ADAMTS17: variants seen among roughly 807,000 people sequenced by gnomAD.
ADAMTS17 encodes A disintegrin and metalloproteinase with thrombospondin motifs 17.
ADAMTS17 carries 113 observed loss-of-function variants against 141.5 expected under a neutral mutation model. That is an observed-to-expected ratio of 0.80 (90% confidence interval 0.69 to 0.93). The LOEUF is 0.93. Ranked by LOEUF, ADAMTS17 falls within the 40% of genes least tolerant of loss-of-function variation. The pLI is 0.00. For synonymous variants in ADAMTS17, 768 were observed against 630.6 expected, an observed-to-expected ratio of 1.22 and a Z score of -3.27; for missense variants, 1,659 against 1,517.9, an observed-to-expected ratio of 1.09 and a Z score of -1.54.
chr15:100,284,215 C>T (rs1303604813), intron 3 of ADAMTS17, among the ~76,000 whole-genome samples: 1 of 152,206 alleles, frequency 6.6e-6, no homozygotes, highest in East Asian at 1.9e-4. Context: ...CCTTGGAGAG[C>T]TAACCTAACA....
chr15:100,331,180 T>C, intron 2 of ADAMTS17, 126 bp from the exon 3 acceptor site: 1 of 1,221,178 alleles, frequency 8.2e-7, no homozygotes, highest in Non-Finnish European at 1.2e-6. Flanking sequence ...CTCGTTTCTT[T>C]GCAGATTGGT....
chr15:100,017,004 C>T lies in ADAMTS17; in HGVS notation c.2592-19415G>A, dbSNP rs139229987. Reference sequence around the variant, plus strand: ...ATTCAAGTGTGGGCAGGGGTGGACGCGTCTGAGCTCAGACTCTCCTTGGGC... The same window carrying T: ...ATTCAAGTGTGGGCAGGGGTGGACGTGTCTGAGCTCAGACTCTCCTTGGGC... On this transcript the variant is annotated intron_variant, in intron 18 of 21. Coordinates refer to ENST00000268070, the MANE Select transcript of ADAMTS17 (RefSeq NM_139057.4). 3.1e-3 allele frequency among the ~76,000 whole-genome samples: 476 copies of T among 152,222 alleles called. 4 individuals carry two copies. The highest frequency in any genetic ancestry group is 0.01 in the African/African-American group (432 of 41,546).
intron 18 of ADAMTS17, among the ~76,000 whole-genome samples, chr15:100,016,889 A>T (rs2061301082): frequency 6.6e-6 from 1 of 152,138 alleles, no homozygotes; most frequent in African/African-American, 2.4e-5. Flanking sequence ...CTATGGTAGT[A>T]TGGAGAGGGA....
chr15:99,984,704 G>C (rs1246086594), intron 20 of ADAMTS17, among the ~76,000 whole-genome samples: 1 of 152,224 alleles, frequency 6.6e-6, no homozygotes, highest in Non-Finnish European at 1.5e-5. Flanking sequence ...GGGGACAGCA[G>C]TAGGGCTGGG....
chr15:100,287,008 T>G (rs1044449619), intron 3 of ADAMTS17, among the ~76,000 whole-genome samples: 1 of 152,090 alleles, frequency 6.6e-6, no homozygotes, highest in Non-Finnish European at 1.5e-5. Flanking sequence ...GCCAACCTGG[T>G]TAAACCCCGT....
intron 3 of ADAMTS17, among the ~76,000 whole-genome samples, chr15:100,294,315 A>G (rs1387314168): frequency 6.6e-6 from 1 of 152,168 alleles, no homozygotes; most frequent in Non-Finnish European, 1.5e-5. Context: ...AGCTGCCAAG[A>G]GCTCCAGTCT....
intron 7 of ADAMTS17, among the ~76,000 whole-genome samples, chr15:100,212,246 C>T (rs1241873892): frequency 1.3e-5 from 2 of 152,178 alleles, no homozygotes; most frequent in East Asian, 3.9e-4. Context: ...AGTCTGGCTG[C>T]AGATCCCCTG....
At chr15:100,010,010 G>T (rs2061129241) in intron 18 of ADAMTS17, among the ~76,000 whole-genome samples, 1 of 152,196 alleles carries the variant, frequency 6.6e-6, no homozygotes, top group Non-Finnish European at 1.5e-5. Context: ...GAATCATGAG[G>T]GTGGTTTTTT....
At chr15:100,021,693 T>C (rs2061409688) in intron 18 of ADAMTS17, among the ~76,000 whole-genome samples, 1 of 152,170 alleles carries the variant, frequency 6.6e-6, no homozygotes, top group Non-Finnish European at 1.5e-5. Flanking sequence ...CAGGAATATA[T>C]GCAGAGAAAC....
At chr15:100,323,339 G>C (rs902871214) in intron 3 of ADAMTS17, among the ~76,000 whole-genome samples, 1 of 152,162 alleles carries the variant, frequency 6.6e-6, no homozygotes, top group African/African-American at 2.4e-5. Context: ...TAGTGGTAGA[G>C]ACAGGAAATC....
At chr15:100,150,883 C>CT (rs1451692588) in intron 10 of ADAMTS17, among the ~76,000 whole-genome samples, 1 of 152,172 alleles carries the variant, frequency 6.6e-6, no homozygotes, top group African/African-American at 2.4e-5. Flanking sequence ...CTCATGCTGT[C>CT]TCCACATCAA....
intron 18 of ADAMTS17, among the ~76,000 whole-genome samples, chr15:100,018,164 A>G (rs2061327361): frequency 6.8e-6 from 1 of 147,626 alleles, no homozygotes; most frequent in African/African-American, 2.7e-5. Flanking sequence ...GGAATCATAC[A>G]GTATTGTCCT....
At chr15:100,123,676 G>C (rs1441724435) in intron 12 of ADAMTS17, among the ~76,000 whole-genome samples, 1 of 152,230 alleles carries the variant, frequency 6.6e-6, no homozygotes, top group Admixed American at 6.5e-5. Flanking sequence ...TCCACATGCA[G>C]AATCAGAAGG....
chr15:100,127,647 T>C (rs1397940618), intron 12 of ADAMTS17, among the ~76,000 whole-genome samples: 2 of 152,248 alleles, frequency 1.3e-5, no homozygotes, highest in Non-Finnish European at 2.9e-5. Flanking sequence ...AGTGGTGTGA[T>C]CGCAGCTCAC....
chr15:100,056,405 G>A (rs1157172784), intron 15 of ADAMTS17, among the ~76,000 whole-genome samples: 1 of 151,476 alleles, frequency 6.6e-6, no homozygotes, highest in East Asian at 1.9e-4. Flanking sequence ...GACTGGTTTC[G>A]TGGAAGGCAA....
intron 6 of ADAMTS17, among the ~76,000 whole-genome samples, chr15:100,261,025 C>T (rs994275232): frequency 5.3e-5 from 8 of 152,106 alleles, no homozygotes; most frequent in East Asian, 1.9e-4. Context: ...ATAGCCACAT[C>T]GACATCAATG....
chr15:100,225,047 C>T (rs2042252323), intron 7 of ADAMTS17, among the ~76,000 whole-genome samples: 1 of 152,226 alleles, frequency 6.6e-6, no homozygotes, highest in South Asian at 2.1e-4. Context: ...CTCCCTGTTA[C>T]TCACCACCAA....
At chr15:100,207,547 C>T (rs546865020) in intron 7 of ADAMTS17, among the ~76,000 whole-genome samples, 1 of 152,254 alleles carries the variant, frequency 6.6e-6, no homozygotes, top group South Asian at 2.1e-4. Flanking sequence ...ATGGGCTTGG[C>T]CTTGATGTTC....
At chr15:100,102,492 T>C (rs2036172087) in intron 14 of ADAMTS17, among the ~76,000 whole-genome samples, 1 of 104,036 alleles carries the variant, frequency 9.6e-6, no homozygotes, top group Non-Finnish European at 1.9e-5. Flanking sequence ...GGGATCTACA[T>C]TTGAGGGCCG....
Sources: allele counts gnomAD v4.1 joint callset (sites outside exome capture counted in the v4.1 genomes callset), GRCh38; gene constraint gnomAD v4.1.1; transcripts MANE v1.5; gene names NCBI Gene and HGNC (gene_info 2026-07-23, HGNC 2026-07-21).